Variants in RPH3A observed in about 807,000 individuals in gnomAD.
RPH3A encodes rabphilin-3A.
A neutral mutation model predicts 102.2 loss-of-function variants in RPH3A; 48 were observed. The ratio of observed to expected loss-of-function variants is 0.47; its 90% confidence interval spans 0.37 to 0.60. The LOEUF is 0.60. Among genes scored for constraint, RPH3A ranks in the 20% least tolerant of loss-of-function variants. RPH3A has a pLI of 0.00. For synonymous variants in RPH3A, 310 were observed against 324.3 expected (o/e 0.96, Z 0.47); for missense variants, 781 against 910.1 (o/e 0.86, Z 1.83).
chr12:112,859,025 C>A (rs2042463521), intron 5 of RPH3A, among the ~76,000 whole-genome samples: 1 of 152,182 alleles, frequency 6.6e-6, no homozygotes, highest in Non-Finnish European at 1.5e-5. Context: ...GAGTGTCAGC[C>A]ACTTACAGGG....
chr12:112,865,673 G>T, intron 6 of RPH3A, 130 bp downstream of exon 6: 2 of 1,035,302 alleles, frequency 1.9e-6, no homozygotes, highest in East Asian at 2.7e-5. Context: ...GCCAGGATAT[G>T]GTTTTTTTCT....
chr12:112,646,801 C>T (rs2039934829), intron 1 of RPH3A, among the ~76,000 whole-genome samples: 1 of 152,144 alleles, frequency 6.6e-6, no homozygotes, highest in Non-Finnish European at 1.5e-5. Flanking sequence ...CAACAGTGAA[C>T]AAGACACACA....
In RPH3A at chr12:112,677,777, G is replaced by T. The variant is rs190405510; in HGVS notation, c.-140+102458G>T. Among the ~76,000 whole-genome samples the T allele has an allele frequency of 3.8e-3, 578 of 152,186 alleles. 2 individuals are homozygous for T. Among genetic ancestry groups the T allele is most frequent in the African/African-American group, 0.013 (531 of 41,542 alleles). On this transcript the variant is annotated intron_variant, in intron 1 of 21. Transcript: ENST00000543106. ...AGCTTGGCACACGGCAAAGCAGCTA[G>T]CCTCGGCAGCCATTATCCTTGTGAT...
At chr12:112,631,548 T>G (rs770046123) in intron 1 of RPH3A, among the ~76,000 whole-genome samples, 13 of 152,146 alleles carry the variant, frequency 8.5e-5, no homozygotes, top group Non-Finnish European at 1.8e-4. Flanking sequence ...AGGGTCTCTG[T>G]CTGTCACTGA....
chr12:112,831,410 A>G (rs1403789816), intron 3 of RPH3A, among the ~76,000 whole-genome samples: 2 of 152,148 alleles, frequency 1.3e-5, no homozygotes, highest in Non-Finnish European at 2.9e-5. Context: ...CTGTCTCAAC[A>G]TCTTCCTCTA....
At chr12:112,762,890 C>T (rs1274660981) in intron 1 of RPH3A, among the ~76,000 whole-genome samples, 1 of 152,200 alleles carries the variant, frequency 6.6e-6, no homozygotes, top group Non-Finnish European at 1.5e-5. Context: ...CATCCAATCA[C>T]TGTGGCCAGG....
intron 1 of RPH3A, among the ~76,000 whole-genome samples, chr12:112,663,488 T>C (rs2040064159): frequency 6.6e-6 from 1 of 152,048 alleles, no homozygotes; most frequent in Non-Finnish European, 1.5e-5. Context: ...GCTGTGACCA[T>C]AGACATGCAC....
At chr12:112,740,600 C>G (rs1198007970) in intron 1 of RPH3A, among the ~76,000 whole-genome samples, 1 of 152,192 alleles carries the variant, frequency 6.6e-6, no homozygotes, top group Non-Finnish European at 1.5e-5. Context: ...CTGAAAGCCT[C>G]TGTGTCATCA....
chr12:112,677,411 T>TCCCTCCTTCCC (rs2040186291), intron 1 of RPH3A, among the ~76,000 whole-genome samples: 2 of 17,564 alleles, frequency 1.1e-4, no homozygotes, highest in Admixed American at 5.2e-4. Flanking sequence ...CCCTCCCTCC[T>TCCCTCCTTCCC]TCCCTCCTTC....
intron 2 of RPH3A, among the ~76,000 whole-genome samples, chr12:112,820,252 C>G (rs551827753): frequency 6.6e-6 from 1 of 152,164 alleles, no homozygotes; most frequent in African/African-American, 2.4e-5. Context: ...CTGGAGAGAA[C>G]GAACACTGAT....
chr12:112,688,332 A>C (rs2040282148), intron 1 of RPH3A, among the ~76,000 whole-genome samples: 1 of 152,198 alleles, frequency 6.6e-6, no homozygotes, highest in African/African-American at 2.4e-5. Context: ...GAAGGTTTTC[A>C]TTAGAGATGC....
intron 10 of RPH3A, among the ~76,000 whole-genome samples, chr12:112,870,567 G>A (rs1002571494): frequency 6.6e-6 from 1 of 152,154 alleles, no homozygotes; most frequent in Admixed American, 6.5e-5. Context: ...ACAGGACTTT[G>A]AAGGAAATGT....
intron 1 of RPH3A, among the ~76,000 whole-genome samples, chr12:112,605,266 G>A (rs906623360): frequency 1.6e-4 from 25 of 152,008 alleles, no homozygotes; most frequent in Non-Finnish European, 2.6e-4. Context: ...CCCCAGCTAC[G>A]TGGGAGGCTG....
Position 112,870,043 on chromosome 12 carries a change from A to T in RPH3A, c.796+4A>T, listed in dbSNP as rs1370099335. The T allele has an allele frequency of 6.2e-7, 1 of 1,608,612 alleles. No individual in the cohort carries two copies. The highest frequency in any genetic ancestry group is 8.5e-7 in the Non-Finnish European group (1 of 1,178,108). On this transcript the variant is annotated splice_donor_region_variant and intron_variant, in intron 10 of 21. Transcript: ENST00000389385. The stretch of plus-strand genomic sequence containing the variant: ...GACTCCAGCCGGAGCCCAGCAGGTG[A>T]GCAAGATGGGCAAATCCAGAGACAG...
At chr12:112,587,514 A>G (rs1231504214) in intron 1 of RPH3A, among the ~76,000 whole-genome samples, 2 of 152,208 alleles carry the variant, frequency 1.3e-5, no homozygotes, top group Non-Finnish European at 2.9e-5. Flanking sequence ...TGGCAATGGT[A>G]GTAACCTACC....
intron 1 of RPH3A, among the ~76,000 whole-genome samples, chr12:112,770,214 A>G (rs1444134054): frequency 6.6e-6 from 1 of 152,172 alleles, no homozygotes; most frequent in Non-Finnish European, 1.5e-5. Context: ...GGTTGTAATG[A>G]ACATCTTTGT....
At chr12:112,777,444 T>C in intron 1 of RPH3A, among the ~76,000 whole-genome samples, 1 of 152,216 alleles carries the variant, frequency 6.6e-6, no homozygotes, top group Non-Finnish European at 1.5e-5. Flanking sequence ...ATTTTGTGAA[T>C]GCAGACGCCA....
At chr12:112,735,130 G>C (rs955828738) in intron 1 of RPH3A, among the ~76,000 whole-genome samples, 9 of 152,200 alleles carry the variant, frequency 5.9e-5, no homozygotes, top group Non-Finnish European at 1.2e-4. Flanking sequence ...TTGCAGTCCT[G>C]GGTGTCACAG....
chr12:112,869,393 G>A (rs2042666159), intron 8 of RPH3A: 1 of 201,000 alleles, frequency 5.0e-6, no homozygotes, highest in African/African-American at 2.3e-5. Context: ...TTCCTGACAA[G>A]GCAAGAGCAA....
Sources: gnomAD v4.1 joint callset for allele counts (sites outside exome capture counted in the v4.1 genomes callset) on GRCh38, gnomAD v4.1.1 for gene constraint, MANE v1.5 for transcripts, NCBI Gene and HGNC (gene_info 2026-07-23, HGNC 2026-07-21) for gene names.